Variants in CUL4A observed in about 807,000 individuals in gnomAD.
CUL4A encodes the protein cullin 4A.
In CUL4A, 16 loss-of-function variants were observed where a neutral mutation model predicts 95.5. That is an observed-to-expected ratio of 0.17 (90% CI 0.11 to 0.25). The LOEUF is 0.25. CUL4A is among the 10% of genes least tolerant of loss of function. The pLI is 1.00. For synonymous variants in CUL4A, 380 were observed against 353.1 expected (o/e 1.08, Z -0.85); for missense variants, 610 against 937.0 (o/e 0.65, Z 4.56).
At chr13:113,258,286 C>T (rs775837901) in intron 18 of CUL4A, among the ~76,000 whole-genome samples, 7 of 152,148 alleles carry the variant, frequency 4.6e-5, no homozygotes, top group African/African-American at 7.2e-5. Context: ...CCACCGTGCC[C>T]GGCACCAGGT....
In CUL4A at chr13:113,233,881, T is replaced by C. The variant is rs1426288521; in HGVS notation, c.676-16T>C. 1.5e-6 allele frequency: 2 copies of C among 1,351,822 alleles called. No homozygotes were observed. Among genetic ancestry groups the C allele is most frequent in the Non-Finnish European group, 2.1e-6 (2 of 942,610 alleles). The allele number at this position is 1,351,822 out of a possible 1,614,324, so 83.7% of individuals were successfully genotyped here. On this transcript the variant is annotated splice_polypyrimidine_tract_variant and intron_variant, in intron 6 of 19. Coordinates refer to ENST00000375440, the MANE Select transcript of CUL4A (RefSeq NM_001008895.4). ...TCCTTTACTGAAATTGGTCAGTAAC[T>C]CTGCTTGTTTCTTAGGTGTATAAAG...
chr13:113,216,069 T>C (rs1246402648), intron 2 of CUL4A, among the ~76,000 whole-genome samples: 1 of 124,712 alleles, frequency 8.0e-6, no homozygotes. Context: ...GTGGAGGTCT[T>C]TGTGTGACTA....
Position 113,240,521 on chromosome 13 carries a change from CTG to C in CUL4A, c.1035+974_1035+975del, listed in dbSNP as rs769330313. Among the ~76,000 whole-genome samples the C allele has an allele frequency of 4.9e-4, 74 of 152,278 alleles. 1 individual carries two copies. The highest frequency in any genetic ancestry group is 1.0e-3 in the Non-Finnish European group (68 of 68,022). ...TAAATGGTGAACATTTAGCAAAAGT[CTG>C]TGTTTTTGCTTGCTGGTGACTATTC... is the stretch of plus-strand genomic sequence containing the variant. On this transcript the variant is annotated intron_variant, in intron 10 of 19. Transcript: ENST00000375440.
chr13:113,258,604 C>A (rs1283036369), intron 18 of CUL4A, among the ~76,000 whole-genome samples: 1 of 152,154 alleles, frequency 6.6e-6, no homozygotes, highest in Non-Finnish European at 1.5e-5. Flanking sequence ...TGGCCCAGGT[C>A]CTCTGTGAAG....
intron 2 of CUL4A, 28 bp downstream of exon 2, chr13:113,210,116 C>G (rs1271557580): frequency 2.9e-6 from 4 of 1,398,812 alleles, no homozygotes; most frequent in African/African-American, 3.0e-5. Flanking sequence ...GCTGGGGACG[C>G]CGCTCCTGCC....
At chr13:113,253,015 AT>A (rs2042033195) in intron 15 of CUL4A, 66 bp from the exon 16 acceptor site, 1 of 665,232 alleles carries the variant, frequency 1.5e-6, no homozygotes, top group Admixed American at 2.4e-5. Context: ...AACTCTGTGC[AT>A]TGAATGGGGA....
chr13:113,245,881 ACG>A (rs942134287), intron 14 of CUL4A, 73 bp from the exon 15 acceptor site: 5 of 1,068,652 alleles, frequency 4.7e-6, no homozygotes, highest in South Asian at 4.4e-5. Flanking sequence ...TGAAAATTAC[ACG>A]GTTTATTTTG....
chr13:113,229,747 T>G, intron 5 of CUL4A: 1 of 537,360 alleles, frequency 1.9e-6, no homozygotes, highest in Non-Finnish European at 3.3e-6. Flanking sequence ...GACAGGCGGC[T>G]GACTTTGGTC....
intron 2 of CUL4A, among the ~76,000 whole-genome samples, chr13:113,218,307 A>C (rs921281698): frequency 5.9e-5 from 9 of 152,228 alleles, no homozygotes; most frequent in African/African-American, 2.2e-4. Flanking sequence ...TAATTAAACA[A>C]ACTGAAGTGA....
At chr13:113,234,331 C>T (rs759272805) in intron 7 of CUL4A, among the ~76,000 whole-genome samples, 2 of 152,006 alleles carry the variant, frequency 1.3e-5, no homozygotes, top group Non-Finnish European at 2.9e-5. Context: ...TTGTGTGAAG[C>T]ACTGCAAAAA....
rs545833627 is a variant in CUL4A, at chr13:113,253,090, A to G, written c.1647A>G (p.Lys549=). The G allele has an allele frequency of 1.9e-5, 30 of 1,590,324 alleles. No individual in the cohort carries two copies. In the East Asian group the frequency reaches 6.7e-4, roughly 36 times the overall value. ...MEVHLTPEMI[K]LQEVFKAFYL... ...TCTCCTATGCTTAACAGATGATTAA[A>G]CTTCAGGAAGTATTTAAGGCATTTT... is the stretch of plus-strand genomic sequence containing the variant. Residue 549 remains lysine, a synonymous_variant, in exon 16 of 20, where the codon AAA becomes AAG. Coordinates refer to ENST00000375440, the MANE Select transcript of CUL4A (RefSeq NM_001008895.4).
intron 6 of CUL4A, 23 bp from the exon 7 acceptor site, chr13:113,233,874 C>T (rs767510923): frequency 3.2e-6 from 4 of 1,261,374 alleles, no homozygotes; most frequent in South Asian, 2.4e-5. Context: ...TGAAATTGGT[C>T]AGTAACTCTG....
chr13:113,217,097 A>G (rs1310224737), intron 2 of CUL4A, among the ~76,000 whole-genome samples: 2 of 152,256 alleles, frequency 1.3e-5, no homozygotes, highest in African/African-American at 4.8e-5. Context: ...TGGTCTAGGA[A>G]TTAAAACATC....
chr13:113,208,752 G>C (rs911029982), upstream of CUL4A: 17 of 1,469,744 alleles, frequency 1.2e-5, no homozygotes, highest in South Asian at 2.1e-4. Context: ...CGGGTGCGCA[G>C]GTTGGTTCCG....
chr13:113,213,163 T>C (rs2040515661), intron 2 of CUL4A, among the ~76,000 whole-genome samples: 1 of 152,072 alleles, frequency 6.6e-6, no homozygotes, highest in Non-Finnish European at 1.5e-5. Context: ...TGAGGTGGCC[T>C]GATCGCTTGA....
chr13:113,215,991 G>T (rs1383986718), intron 2 of CUL4A, among the ~76,000 whole-genome samples: 2 of 146,172 alleles, frequency 1.4e-5, no homozygotes, highest in Middle Eastern at 4.2e-3. Flanking sequence ...GACTATGGTG[G>T]TCACGTCCCA....
chr13:113,209,728 C>G lies in CUL4A; in HGVS notation c.101C>G (p.Pro34Arg). 1 of 1,162,796 alleles carries G rather than the reference C, an allele frequency of 8.6e-7. No individual in the cohort carries two copies. Among genetic ancestry groups the G allele is most frequent in the Non-Finnish European group, 1.1e-6 (1 of 943,914 alleles). The allele number at this position is 1,162,796 out of a possible 1,614,324, so 72.0% of individuals were successfully genotyped here. A position where few individuals can be genotyped will look rare whatever the true frequency, so the allele number is the denominator to read the frequency against. The change falls in exon 1 of 20, where the codon CCG becomes CGG. Residue 34 changes from proline (P) to arginine (R), a missense_variant. Pro to Arg is a moderately radical substitution (Grantham distance 103). Transcript: ENST00000375440. ...PAALAAAPAK[P>R]GGAGGSKKLV... ...GCCCTGGCCGCCGCGCCCGCCAAGC[C>G]GGGGGGCGCGGGCGGCTCCAAGAAG...
chr13:113,225,946 T>G (rs1460927929), intron 3 of CUL4A, among the ~76,000 whole-genome samples: 1 of 152,232 alleles, frequency 6.6e-6, no homozygotes, highest in African/African-American at 2.4e-5. Context: ...TGGCAGTGCT[T>G]CTGAGAATTC....
chr13:113,246,881 G>A (rs2041871514), intron 15 of CUL4A, among the ~76,000 whole-genome samples: 1 of 152,202 alleles, frequency 6.6e-6, no homozygotes, highest in South Asian at 2.1e-4. Flanking sequence ...TAAAGAATGG[G>A]CAGCCATGTA....
Sources: allele counts gnomAD v4.1 joint callset (sites outside exome capture counted in the v4.1 genomes callset), GRCh38; gene constraint gnomAD v4.1.1; transcripts MANE v1.5; gene names NCBI Gene and HGNC (gene_info 2026-07-23, HGNC 2026-07-21).